The following RYR3 variants were observed in gnomAD, a reference collection of about 807,000 sequenced individuals.
The protein encoded by RYR3 is ryanodine receptor 3.
Under a neutral mutation model 584.3 loss-of-function variants are expected in RYR3, and 207 were observed. That is an observed-to-expected ratio of 0.35 (90% CI 0.32 to 0.40). The LOEUF is 0.40. RYR3 is among the 10% of genes least tolerant of loss of function. The pLI is 1.00. For synonymous variants in RYR3, 2,416 were observed against 2,248.5 expected, an observed-to-expected ratio of 1.07 and a Z score of -2.11; for missense variants, 5,616 against 6,089.2, an observed-to-expected ratio of 0.92 and a Z score of 2.59.
chr15:33,589,988 G>T (rs566827839), intron 16 of RYR3, among the ~76,000 whole-genome samples: 1 of 152,056 alleles, frequency 6.6e-6, no homozygotes, highest in African/African-American at 2.4e-5. Flanking sequence ...GGCTAAGTTC[G>T]AAAAGAGAGT....
intron 1 of RYR3, among the ~76,000 whole-genome samples, chr15:33,456,384 G>T (rs1308989980): frequency 6.6e-6 from 1 of 152,180 alleles, no homozygotes; most frequent in Admixed American, 6.5e-5. Context: ...GACACAGGAA[G>T]TTTTTTAATC....
intron 24 of RYR3, 70 bp from the exon 25 acceptor site, chr15:33,634,516 A>T (rs755687587): frequency 6.6e-7 from 1 of 1,523,912 alleles, no homozygotes; most frequent in Non-Finnish European, 9.1e-7. Flanking sequence ...TGCTGGGAAT[A>T]TGTGAATAGG....
chr15:33,861,283 C>G, intron 102 of RYR3, 105 bp downstream of exon 102: 1 of 745,606 alleles, frequency 1.3e-6, no homozygotes, highest in Non-Finnish European at 2.3e-6. Context: ...CAGAAAGGAA[C>G]TTCCAGGAGT....
chr15:33,685,798 C>T (rs556557780), intron 38 of RYR3, among the ~76,000 whole-genome samples: 1 of 152,234 alleles, frequency 6.6e-6, no homozygotes, highest in Admixed American at 6.5e-5. Context: ...TCACTCAAAA[C>T]CGCACAACTA....
At position 33,554,742 on chromosome 15, in the gene RYR3, T is replaced by C. The variant is rs17236189; in HGVS notation, c.972+4426T>C. The stretch of plus-strand genomic sequence containing the variant: ...TTTCTATGAACTTGATTTCACATCA[T>C]TTTTCCATGGTCTTGACATTGCAAG... On this transcript the variant is annotated intron_variant, in intron 10 of 103. Coordinates refer to ENST00000634891, the MANE Select transcript of RYR3 (RefSeq NM_001036.6). 8.5e-3 allele frequency among the ~76,000 whole-genome samples: 1,288 copies of C among 152,360 alleles called. 9 individuals carry two copies. Among genetic ancestry groups the C allele is most frequent in the Admixed American group, 0.017 (266 of 15,308 alleles).
chr15:33,364,511 A>G (rs11072416), intron 1 of RYR3, among the ~76,000 whole-genome samples: 22,034 of 152,252 alleles, frequency 0.14, 1,929 homozygotes, highest in East Asian at 0.32. Flanking sequence ...TTGCAAAACC[A>G]TAGGCACAAG....
chr15:33,650,063 G>A (rs1042325291), intron 31 of RYR3, among the ~76,000 whole-genome samples: 11 of 152,170 alleles, frequency 7.2e-5, no homozygotes, highest in South Asian at 4.1e-4. Context: ...ACTGTGTCAC[G>A]AGGGACCTGC....
intron 1 of RYR3, among the ~76,000 whole-genome samples, chr15:33,453,087 C>G (rs1198073192): frequency 6.6e-6 from 1 of 152,090 alleles, no homozygotes; most frequent in Non-Finnish European, 1.5e-5. Context: ...GGGCAGCAGC[C>G]TGAACTGCAG....
intron 1 of RYR3, among the ~76,000 whole-genome samples, chr15:33,350,672 A>C (rs1393288655): frequency 9.9e-5 from 15 of 152,074 alleles, no homozygotes; most frequent in African/African-American, 3.6e-4. Context: ...TGGGTACATA[A>C]CGAAATGAAG....
intron 1 of RYR3, among the ~76,000 whole-genome samples, chr15:33,438,207 T>C (rs1028908957): frequency 6.6e-6 from 1 of 152,112 alleles, no homozygotes; most frequent in African/African-American, 2.4e-5. Flanking sequence ...AATTATACAT[T>C]ATTATTAATT....
At chr15:33,369,930 C>T (rs562483641) in intron 1 of RYR3, among the ~76,000 whole-genome samples, 1 of 152,306 alleles carries the variant, frequency 6.6e-6, no homozygotes, top group East Asian at 1.9e-4. Flanking sequence ...TCTTATTCAT[C>T]CAAACATTCA....
At chr15:33,653,815 C>T (rs2062647971) in intron 32 of RYR3, among the ~76,000 whole-genome samples, 1 of 152,178 alleles carries the variant, frequency 6.6e-6, no homozygotes, top group Non-Finnish European at 1.5e-5. Context: ...TCTCTTCATC[C>T]TTGATGGCCA....
chr15:33,810,378 T>A, intron 70 of RYR3, 101 bp from the exon 71 acceptor site: 1 of 1,206,676 alleles, frequency 8.3e-7, no homozygotes. Context: ...GCCCACCCTA[T>A]ACTGACAGGG....
intron 93 of RYR3, among the ~76,000 whole-genome samples, chr15:33,845,340 C>T (rs2078653159): frequency 6.6e-6 from 1 of 152,156 alleles, no homozygotes; most frequent in Non-Finnish European, 1.5e-5. Flanking sequence ...GCAACCTCCG[C>T]CTCCCAGGTT....
chr15:33,464,066 A>G (rs2048252489), intron 1 of RYR3, among the ~76,000 whole-genome samples: 1 of 152,186 alleles, frequency 6.6e-6, no homozygotes, highest in African/African-American at 2.4e-5. Flanking sequence ...TGTTTCAGGC[A>G]TTGAATATAC....
chr15:33,623,765 T>G lies in RYR3; in HGVS notation c.2358-42T>G, dbSNP rs776467800. Reference sequence around the variant, plus strand: ...TTTTCACTTATTTGGGCTGCATTGTTTTTTTTTTAACCTCTGTATTTCTGC... The same window carrying G: ...TTTTCACTTATTTGGGCTGCATTGTGTTTTTTTTAACCTCTGTATTTCTGC... On this transcript the variant is annotated intron_variant, in intron 19 of 103. Transcript: ENST00000634891. 8 of 1,387,574 alleles carry G rather than the reference T, an allele frequency of 5.8e-6. No homozygotes were observed. The East Asian group carries it at 1.8e-4, about 32-fold the overall frequency. 86.0% of individuals were successfully genotyped at this position (1,387,574 alleles called of 1,614,324 possible).
intron 61 of RYR3, 47 bp from the exon 62 acceptor site, chr15:33,769,065 C>T: frequency 7.0e-7 from 1 of 1,422,422 alleles, no homozygotes; most frequent in Non-Finnish European, 9.9e-7. Flanking sequence ...ATTTGAAAGA[C>T]AGGCTGAGTG....
chr15:33,822,954 A>G (rs1310405660), intron 80 of RYR3, 42 bp from the exon 81 acceptor site: 1 of 1,542,034 alleles, frequency 6.5e-7, no homozygotes, highest in Non-Finnish European at 8.9e-7. Context: ...TCTGTGGTAT[A>G]GTTTTCATCG....
At chr15:33,760,585 A>G (rs1239909859) in intron 60 of RYR3, among the ~76,000 whole-genome samples, 3 of 152,242 alleles carry the variant, frequency 2.0e-5, no homozygotes, top group Admixed American at 6.5e-5. Context: ...TAAATACAGG[A>G]GCACCCAGAC....
Sources: gnomAD v4.1 joint callset for allele counts (sites outside exome capture counted in the v4.1 genomes callset) on GRCh38, gnomAD v4.1.1 for gene constraint, MANE v1.5 for transcripts, NCBI Gene and HGNC (gene_info 2026-07-23, HGNC 2026-07-21) for gene names.